Variants in CA13 observed in about 807,000 individuals in gnomAD.
The protein encoded by CA13 is carbonic anhydrase 13.
A neutral mutation model predicts 31.5 loss-of-function variants in CA13; 21 were observed. The observed-to-expected ratio is 0.67, with a 90% CI of 0.47 to 0.96. The LOEUF (loss-of-function observed/expected upper bound fraction) is 0.96. CA13 is among the 40% of genes least tolerant of loss of function. The pLI is 0.00. For synonymous variants in CA13, 117 were observed against 111.4 expected (o/e 1.05, Z -0.32); for missense variants, 315 against 318.9 (o/e 0.99, Z 0.09).
rs540706753 is a variant in CA13 at position 85,248,115 on chromosome 8, T to C, written c.37+2250T>C. Among the ~76,000 whole-genome samples the C allele has an allele frequency of 7.2e-5, 11 of 152,278 alleles. No individual in the cohort carries two copies. In the South Asian group the frequency reaches 2.3e-3, roughly 32 times the overall value. Reference sequence around the variant, plus strand: ...ACTGAAAAGTGTATATCACTGTAGGTATTTAAAAGTTCCTAAATCAGTTGA... The same window carrying C: ...ACTGAAAAGTGTATATCACTGTAGGCATTTAAAAGTTCCTAAATCAGTTGA... On this transcript the variant is annotated intron_variant, in intron 1 of 6. Coordinates refer to ENST00000321764, the MANE Select transcript of CA13 (RefSeq NM_198584.3).
chr8:85,245,898 T>A (rs1264014666), intron 1 of CA13, 33 bp downstream of exon 1: 2 of 1,613,752 alleles, frequency 1.2e-6, no homozygotes, highest in South Asian at 2.2e-5. Flanking sequence ...AGGGGGGGTT[T>A]GTGCGGGGGA....
chr8:85,257,827 TC>T (rs1292658751), intron 2 of CA13, among the ~76,000 whole-genome samples: 1 of 149,174 alleles, frequency 6.7e-6, no homozygotes, highest in African/African-American at 2.4e-5. Context: ...AGACAGGGTT[TC>T]ATTGTGTTGG....
intron 2 of CA13, among the ~76,000 whole-genome samples, chr8:85,254,772 G>GTTTTTTTTTTTTTTTTTTTGGTTTTTTTT (rs10658651): frequency 8.2e-6 from 1 of 122,652 alleles, no homozygotes; most frequent in Non-Finnish European, 1.7e-5. Flanking sequence ...AGTTAAACAA[G>GTTTTTTTTTTTTTTTTTTTGGTTTTTTTT]TTTTTTTTTT....
At chr8:85,267,993 A>G (rs529454463) in intron 5 of CA13, 29 bp downstream of exon 5, 29 of 1,361,160 alleles carry the variant, frequency 2.1e-5, no homozygotes, top group South Asian at 8.6e-5. Context: ...AATAATTAAC[A>G]TATTTCTTGT....
At chr8:85,276,728 G>C (rs1040809837) in intron 6 of CA13, among the ~76,000 whole-genome samples, 11 of 151,986 alleles carry the variant, frequency 7.2e-5, no homozygotes, top group African/African-American at 2.7e-4. Context: ...TCTGTATCTA[G>C]CTCAAGGTTT....
At chr8:85,259,349 A>T in intron 2 of CA13, 72 bp from the exon 3 acceptor site, 2 of 1,172,646 alleles carry the variant, frequency 1.7e-6, no homozygotes, top group Non-Finnish European at 2.6e-6. Context: ...TAATTCAGGG[A>T]GATGTTGTGG....
intron 1 of CA13, among the ~76,000 whole-genome samples, chr8:85,248,880 C>T (rs1375067770): frequency 2.0e-5 from 3 of 152,042 alleles, no homozygotes; most frequent in African/African-American, 7.2e-5. Context: ...ATTGAATTTT[C>T]GTTAGGTTAA....
intron 2 of CA13, among the ~76,000 whole-genome samples, chr8:85,253,777 G>A (rs999882079): frequency 6.6e-6 from 1 of 152,134 alleles, no homozygotes; most frequent in African/African-American, 2.4e-5. Context: ...ACTGGGGAAG[G>A]AGGATGATTA....
At chr8:85,275,154 A>T (rs1807584537) in intron 6 of CA13, among the ~76,000 whole-genome samples, 1 of 152,070 alleles carries the variant, frequency 6.6e-6, no homozygotes, top group Non-Finnish European at 1.5e-5. Flanking sequence ...TTTTTTGACA[A>T]GACATAATTG....
chr8:85,248,453 G>A (rs1266611635), intron 1 of CA13, among the ~76,000 whole-genome samples: 5 of 141,308 alleles, frequency 3.5e-5, no homozygotes, highest in Non-Finnish European at 7.6e-5. Context: ...GTGAAACTCT[G>A]TCTCAAAAAA....
At chr8:85,280,966 A>G (rs903870981) in intron 6 of CA13, among the ~76,000 whole-genome samples, 8 of 152,186 alleles carry the variant, frequency 5.3e-5, no homozygotes, top group Non-Finnish European at 5.9e-5. Context: ...TTACTCTTTA[A>G]ACCACACTCT....
At chr8:85,256,162 C>A (rs1198547567) in intron 2 of CA13, among the ~76,000 whole-genome samples, 2 of 152,304 alleles carry the variant, frequency 1.3e-5, no homozygotes, top group East Asian at 3.9e-4. Flanking sequence ...TTAATATTTG[C>A]CGTTTAACAC....
rs184447787 is a variant in CA13 at position 85,257,336 on chromosome 8, C to G, written c.236-2085C>G. 4.5e-4 allele frequency among the ~76,000 whole-genome samples: 69 copies of G among 152,276 alleles called. 1 individual carries two copies. The highest frequency in any genetic ancestry group is 3.4e-3 in the Middle Eastern group (1 of 294). On this transcript the variant is annotated intron_variant, in intron 2 of 6. Coordinates refer to ENST00000321764, the MANE Select transcript of CA13 (RefSeq NM_198584.3). ...GAGTAAATGCGTGAGCAAACAGATC[C>G]TGTTGCCAGCTTGCTTGTCATTCAA... is the stretch of plus-strand genomic sequence containing the variant.
chr8:85,276,459 C>T (rs7815205), intron 6 of CA13, among the ~76,000 whole-genome samples: 4,172 of 152,334 alleles, frequency 0.027, 155 homozygotes, highest in African/African-American at 0.085. Flanking sequence ...AGCCCTGGTG[C>T]GAGATCCACT....
intron 6 of CA13, among the ~76,000 whole-genome samples, chr8:85,280,218 T>A (rs1377534639): frequency 6.6e-6 from 1 of 152,130 alleles, no homozygotes; most frequent in Non-Finnish European, 1.5e-5. Context: ...AGGTGGAGGT[T>A]GCAGTGAGCC....
chr8:85,251,734 A>G (rs1813833180), intron 2 of CA13, among the ~76,000 whole-genome samples: 1 of 151,784 alleles, frequency 6.6e-6, no homozygotes, highest in African/African-American at 2.4e-5. Flanking sequence ...ATGGAAACAT[A>G]TAACAAATAT....
chr8:85,273,286 C>G (rs775732491), intron 6 of CA13, among the ~76,000 whole-genome samples: 1 of 152,200 alleles, frequency 6.6e-6, no homozygotes, highest in Admixed American at 6.5e-5. Context: ...TTGCATTTAT[C>G]TAGTGACCAA....
At chr8:85,265,552 T>A (rs936139876) in intron 3 of CA13, among the ~76,000 whole-genome samples, 3 of 151,166 alleles carry the variant, frequency 2.0e-5, no homozygotes, top group Non-Finnish European at 2.9e-5. Context: ...CTCCTTCCCT[T>A]CCCCCTTGTT....
chr8:85,281,855 T>A lies in CA13; in HGVS notation c.*506T>A, dbSNP rs1459556881. 6.5e-6 allele frequency: 1 copy of A among 152,696 alleles called. No homozygotes were observed. The highest frequency in any genetic ancestry group is 1.5e-5 in the Non-Finnish European group (1 of 68,428). The allele number at this position is 152,696 out of a possible 1,614,324, so 9.5% of individuals were successfully genotyped here. ...TTTACTAACTTATCTGTCTCTTATT[T>A]GCACTCATGGATATTCACAGTAAGC... On this transcript the variant is annotated 3_prime_UTR_variant, in exon 7 of 7. Transcript: ENST00000321764.
Sources: allele counts gnomAD v4.1 joint callset (sites outside exome capture counted in the v4.1 genomes callset), GRCh38; gene constraint gnomAD v4.1.1; transcripts MANE v1.5; gene names NCBI Gene and HGNC (gene_info 2026-07-23, HGNC 2026-07-21).